Variants in FRMD4A observed in about 807,000 individuals in gnomAD.
FRMD4A encodes FERM domain-containing protein 4A.
A neutral mutation model predicts 129.1 loss-of-function variants in FRMD4A; 29 were observed. That is an observed-to-expected ratio of 0.22 (90% CI 0.17 to 0.31). FRMD4A has a LOEUF of 0.31. Ranked by LOEUF, FRMD4A falls within the 10% of genes least tolerant of loss-of-function variation. The pLI is 1.00. For missense variants in FRMD4A, 1,272 were observed against 1,375.8 expected (o/e 0.92, Z 1.19); for synonymous variants, 634 against 571.6 (o/e 1.11, Z -1.56).
chr10:13,661,854 C>T (rs2082664507), intron 19 of FRMD4A, among the ~76,000 whole-genome samples: 1 of 152,082 alleles, frequency 6.6e-6, no homozygotes, highest in Admixed American at 6.6e-5. Flanking sequence ...AATCCATTTC[C>T]AGCGACTTGT....
chr10:13,757,576 A>G (rs1252761028), intron 8 of FRMD4A, among the ~76,000 whole-genome samples: 2 of 152,248 alleles, frequency 1.3e-5, no homozygotes, highest in Admixed American at 6.5e-5. Flanking sequence ...TTAGTGGGAA[A>G]GAAAAGACAG....
chr10:13,784,542 A>C (rs2092809028), intron 5 of FRMD4A, among the ~76,000 whole-genome samples: 1 of 152,222 alleles, frequency 6.6e-6, no homozygotes, highest in Non-Finnish European at 1.5e-5. Flanking sequence ...AACAACTTGG[A>C]ATGTCCAGCT....
intron 2 of FRMD4A, among the ~76,000 whole-genome samples, chr10:14,265,120 T>G (rs140889478): frequency 9.0e-4 from 137 of 152,306 alleles, no homozygotes; most frequent in African/African-American, 3.2e-3. Flanking sequence ...GCTCTGAACT[T>G]TTTCTGCAGT....
chr10:13,703,179 C>T (rs531179142), intron 13 of FRMD4A, among the ~76,000 whole-genome samples: 52 of 152,216 alleles, frequency 3.4e-4, no homozygotes, highest in African/African-American at 1.2e-3. Flanking sequence ...CTCCATTTCT[C>T]AGGTACCGGG....
chr10:14,268,238 G>T (rs1398332708), intron 2 of FRMD4A, among the ~76,000 whole-genome samples: 3 of 151,974 alleles, frequency 2.0e-5, no homozygotes, highest in Non-Finnish European at 4.4e-5. Flanking sequence ...TCAACTTATG[G>T]CACAGCTGTG....
chr10:13,916,256 C>T (rs1565032177), intron 2 of FRMD4A, among the ~76,000 whole-genome samples: 2 of 152,146 alleles, frequency 1.3e-5, no homozygotes, highest in Non-Finnish European at 2.9e-5. Context: ...GCCTGGTCAC[C>T]GCTGTAGATT....
rs73580754 is a variant in FRMD4A, at chr10:13,883,149, G to A, written c.46-24237C>T. On this transcript the variant is annotated intron_variant, in intron 2 of 24. Coordinates refer to ENST00000357447, the MANE Select transcript of FRMD4A (RefSeq NM_018027.5). ...TGAGTTTTGTCAGTTCTCTAGGAGC[G>A]TGGTCAGTTTCATTGGCAAGAAGCA... 4.7e-4 allele frequency among the ~76,000 whole-genome samples: 72 copies of A among 152,190 alleles called. 1 individual carries two copies. The highest frequency in any genetic ancestry group is 2.1e-3 in the South Asian group (10 of 4,814).
chr10:14,313,217 AC>A (rs1161373892), intron 2 of FRMD4A, among the ~76,000 whole-genome samples: 11 of 150,358 alleles, frequency 7.3e-5, no homozygotes, highest in Non-Finnish European at 1.2e-4. Context: ...TTTTTAATTA[AC>A]CAGGTGTGGT....
chr10:13,843,757 C>G (rs752728238), intron 3 of FRMD4A, among the ~76,000 whole-genome samples: 3 of 152,174 alleles, frequency 2.0e-5, no homozygotes, highest in Admixed American at 1.3e-4. Context: ...CTCAGCCTCC[C>G]AAAGTGCTGG....
At chr10:13,912,360 G>A (rs12257086) in intron 2 of FRMD4A, among the ~76,000 whole-genome samples, 4,169 of 152,144 alleles carry the variant, frequency 0.027, 181 homozygotes, top group African/African-American at 0.094. Flanking sequence ...TGTGACCCAT[G>A]CCTGGGTATA....
At chr10:14,034,470 C>G (rs1331974071) in intron 2 of FRMD4A, among the ~76,000 whole-genome samples, 2 of 152,172 alleles carry the variant, frequency 1.3e-5, no homozygotes, top group Non-Finnish European at 2.9e-5. Context: ...GGGAGGATGT[C>G]TCTTGCCCTT....
intron 2 of FRMD4A, among the ~76,000 whole-genome samples, chr10:14,114,502 G>A (rs182892975): frequency 1.3e-4 from 20 of 152,170 alleles, no homozygotes; most frequent in Admixed American, 9.2e-4. Flanking sequence ...CCATTTTTCC[G>A]TTTCCTCAAT....
At chr10:14,063,439 T>C (rs1834909813) in intron 2 of FRMD4A, among the ~76,000 whole-genome samples, 3 of 152,188 alleles carry the variant, frequency 2.0e-5, no homozygotes, top group Admixed American at 2.0e-4. Flanking sequence ...AGATGAATTT[T>C]ATTATCTCTG....
chr10:14,147,735 C>T (rs1009617782), intron 2 of FRMD4A, among the ~76,000 whole-genome samples: 2 of 152,042 alleles, frequency 1.3e-5, no homozygotes, highest in African/African-American at 2.4e-5. Flanking sequence ...TTCCCTTGCC[C>T]GCCACTCACC....
rs762018252 is a variant in FRMD4A, at chr10:13,651,903, CTCTAT to C, written c.3117_*1del. 4.6e-6 allele frequency: 7 copies of C among 1,514,356 alleles called. No individual in the cohort carries two copies. The South Asian group carries it at 6.7e-5, about 15-fold the overall frequency. 93.8% of individuals were successfully genotyped at this position (1,514,356 alleles called of 1,614,324 possible). The stretch of plus-strand genomic sequence containing the variant: ...AGGAACAAAACTCCCCTTACGGTAC[CTCTAT>C]TCATCAGTACTTTGGTGAGGTGGAG... On this transcript the variant is annotated stop_lost and splice_region_variant and 3_prime_UTR_variant, in exon 24 of 25. Transcript: ENST00000357447.
chr10:13,763,814 C>T (rs1159353685), intron 6 of FRMD4A, among the ~76,000 whole-genome samples: 1 of 152,164 alleles, frequency 6.6e-6, no homozygotes, highest in Non-Finnish European at 1.5e-5. Flanking sequence ...TGGCTCACTG[C>T]AACCTCCTCC....
intron 2 of FRMD4A, among the ~76,000 whole-genome samples, chr10:14,048,835 TAGA>T (rs1565210948): frequency 7.5e-4 from 7 of 9,320 alleles, no homozygotes; most frequent in Admixed American, 3.0e-3. Flanking sequence ...TAGAATAGAA[TAGA>T]ATAGAATAGA....
At chr10:13,695,690 G>C (rs1224720417) in intron 14 of FRMD4A, among the ~76,000 whole-genome samples, 1 of 152,202 alleles carries the variant, frequency 6.6e-6, no homozygotes, top group East Asian at 1.9e-4. Flanking sequence ...CGGACTGGGC[G>C]AGGTTCACCA....
chr10:14,264,984 A>T (rs914286891), intron 2 of FRMD4A, among the ~76,000 whole-genome samples: 8 of 152,192 alleles, frequency 5.3e-5, no homozygotes, highest in Non-Finnish European at 1.0e-4. Context: ...GGGTTTCACC[A>T]TATTGGCCAG....
Sources: gnomAD v4.1 joint callset for allele counts (sites outside exome capture counted in the v4.1 genomes callset) on GRCh38, gnomAD v4.1.1 for gene constraint, MANE v1.5 for transcripts, NCBI Gene and HGNC (gene_info 2026-07-23, HGNC 2026-07-21) for gene names.